TMCO1: variants seen among roughly 807,000 people sequenced by gnomAD.
The protein encoded by TMCO1 is calcium load-activated calcium channel.
A neutral mutation model predicts 29.3 loss-of-function variants in TMCO1; 29 were observed. The ratio of observed to expected loss-of-function variants is 0.99; its 90% confidence interval spans 0.74 to 1.35. The LOEUF (loss-of-function observed/expected upper bound fraction) is 1.35, where lower values mean the gene tolerates loss of function less well. Among genes scored for constraint, TMCO1 ranks in the 40% most tolerant of loss-of-function variants. The probability of loss-of-function intolerance (pLI) is 0.00; values close to 1 mark genes in which losing one functional copy is unlikely to be tolerated. For missense variants in TMCO1, 173 were observed against 225.5 expected (o/e 0.77, Z 1.49); for synonymous variants, 80 against 77.1 (o/e 1.04, Z -0.20).
At chr1:165,765,977 T>C (rs904005894) in intron 2 of TMCO1, among the ~76,000 whole-genome samples, 2 of 152,190 alleles carry the variant, frequency 1.3e-5, no homozygotes, top group South Asian at 2.1e-4. Flanking sequence ...CAAAAGATCA[T>C]GGTGCTTAGA....
chr1:165,724,977 ATTCTCTCT>A (rs779146678), downstream of TMCO1: 180 of 425,220 alleles, frequency 4.2e-4, no homozygotes, highest in Middle Eastern at 2.2e-3. Context: ...GGTGTTCTTT[ATTCTCTCT>A]TTCTCTCTCT....
chr1:165,753,051 C>T (rs1406466413), intron 4 of TMCO1, among the ~76,000 whole-genome samples: 1 of 152,116 alleles, frequency 6.6e-6, no homozygotes, highest in Non-Finnish European at 1.5e-5. Context: ...ATATAATTAG[C>T]CTATCTATGC....
chr1:165,744,790 CAAAA>C (rs558392976), intron 5 of TMCO1, among the ~76,000 whole-genome samples: 4 of 104,010 alleles, frequency 3.8e-5, no homozygotes, highest in African/African-American at 3.9e-5. Flanking sequence ...AACTCCATCT[CAAAA>C]AAAAAAAAAA....
At chr1:165,748,709 T>C (rs1364079898) in intron 5 of TMCO1, among the ~76,000 whole-genome samples, 1 of 152,236 alleles carries the variant, frequency 6.6e-6, no homozygotes. Flanking sequence ...TCAAAGTCCA[T>C]GGTTGACATT....
chr1:165,743,560 T>C (rs1651681809), intron 5 of TMCO1, among the ~76,000 whole-genome samples: 1 of 152,170 alleles, frequency 6.6e-6, no homozygotes, highest in Non-Finnish European at 1.5e-5. Flanking sequence ...CCCCTTTATA[T>C]ACTGACAAAT....
upstream of TMCO1, chr1:165,768,921 G>C (rs1296877359): frequency 1.9e-6 from 3 of 1,540,958 alleles, no homozygotes; most frequent in South Asian, 1.2e-5. Context: ...GGAAAGGCTC[G>C]TATCGGAGAA....
At chr1:165,758,556 CA>C (rs377195614) in intron 3 of TMCO1, among the ~76,000 whole-genome samples, 2,042 of 147,420 alleles carry the variant, frequency 0.014, 52 homozygotes, top group African/African-American at 0.048. Flanking sequence ...AACTCTGTCT[CA>C]AAAAAAAACA....
chr1:165,730,195 G>A (rs1455743335), intron 6 of TMCO1, among the ~76,000 whole-genome samples: 2 of 150,322 alleles, frequency 1.3e-5, no homozygotes, highest in Non-Finnish European at 3.0e-5. Context: ...AATTAGCCGG[G>A]AGAGGTGGCG....
At chr1:165,736,706 G>A (rs1651401378) in intron 6 of TMCO1, among the ~76,000 whole-genome samples, 2 of 130,472 alleles carry the variant, frequency 1.5e-5, no homozygotes, top group Admixed American at 1.7e-4. Context: ...GGCAATAAGA[G>A]CAAGACTCCA....
intron 4 of TMCO1, among the ~76,000 whole-genome samples, chr1:165,753,472 C>CA (rs35980344): frequency 0.6 from 28,585 of 47,642 alleles, 9,121 homozygotes; most frequent in East Asian, 0.76. Flanking sequence ...GACTCTGTCT[C>CA]AAAAAAAAAA....
At chr1:165,759,706 G>A in intron 2 of TMCO1, 122 bp from the exon 3 acceptor site, 1 of 782,728 alleles carries the variant, frequency 1.3e-6, no homozygotes, top group Non-Finnish European at 2.2e-6. Flanking sequence ...GACTGATTAT[G>A]GTCATGATTA....
intron 6 of TMCO1, among the ~76,000 whole-genome samples, chr1:165,733,124 A>G (rs756679338): frequency 2.0e-5 from 3 of 152,224 alleles, no homozygotes; most frequent in Non-Finnish European, 4.4e-5. Context: ...CATGTAGATA[A>G]GAAAAATAAG....
At chr1:165,757,018 C>T (rs1197936446) in intron 3 of TMCO1, among the ~76,000 whole-genome samples, 1 of 152,054 alleles carries the variant, frequency 6.6e-6, no homozygotes, top group Non-Finnish European at 1.5e-5. Context: ...GATTTTCTTG[C>T]ATGAGAATGA....
Position 165,768,684 on chromosome 1 carries a change from T to C in TMCO1, c.68A>G (p.Glu23Gly). The C allele has an allele frequency of 6.2e-7, 1 of 1,613,960 alleles. No homozygotes were observed. The highest frequency in any genetic ancestry group is 8.5e-7 in the Non-Finnish European group (1 of 1,179,986). Residue 23 changes from glutamate to glycine, a missense_variant and splice_region_variant, in exon 1 of 7, where the codon GAG becomes GGG. By Grantham distance (98) the Glu-to-Gly change is moderately conservative. Transcript: ENST00000367881. ...FISVCTALLA[E>G]GITWVLVYRT... The stretch of plus-strand genomic sequence containing the variant: ...GTCTGAGAAATACCCGCTCTCACCC[T>C]CTGCGAGCAGAGCCGTGCACACAGA...
intron 2 of TMCO1, among the ~76,000 whole-genome samples, chr1:165,761,216 C>T (rs977520966): frequency 1.3e-5 from 2 of 151,792 alleles, no homozygotes; most frequent in Admixed American, 1.3e-4. Flanking sequence ...GACTAAGTAA[C>T]AGATACTGTT....
chr1:165,733,376 G>A (rs536242432), intron 6 of TMCO1, among the ~76,000 whole-genome samples: 15 of 152,212 alleles, frequency 9.9e-5, no homozygotes, highest in Non-Finnish European at 2.1e-4. Flanking sequence ...GCTCACACCT[G>A]TAATCCCAGC....
intron 3 of TMCO1, among the ~76,000 whole-genome samples, chr1:165,757,063 C>G (rs1652220579): frequency 6.6e-6 from 1 of 152,000 alleles, no homozygotes; most frequent in Admixed American, 6.6e-5. Flanking sequence ...GCAGCCGATT[C>G]AAAGGAAAAC....
chr1:165,730,385 A>G (rs952879601), intron 6 of TMCO1, among the ~76,000 whole-genome samples: 2 of 152,178 alleles, frequency 1.3e-5, no homozygotes, highest in African/African-American at 4.8e-5. Flanking sequence ...GTATTGAGGT[A>G]ACACTGTTAG....
Position 165,727,100 on chromosome 1 carries a change from T to C in TMCO1, c.*923A>G, listed in dbSNP as rs1419538427. On this transcript the variant is annotated 3_prime_UTR_variant, in exon 7 of 7. Coordinates refer to ENST00000367881, the MANE Select transcript of TMCO1 (RefSeq NM_019026.6). The stretch of plus-strand genomic sequence containing the variant: ...GGGGAGGATCATGGTACAAACATCC[T>C]TCTCCCTTATGAAGGGGCATGGCAG... 3 of 454,094 alleles carry C rather than the reference T, an allele frequency of 6.6e-6. No homozygotes were observed. In the Admixed American group the frequency reaches 7.0e-5, roughly 11 times the overall value. The allele number at this position is 454,094 out of a possible 1,614,324, so 28.1% of individuals were successfully genotyped here. A position where few individuals can be genotyped will look rare whatever the true frequency, so the allele number is the denominator to read the frequency against.
Sources: gnomAD v4.1 joint callset for allele counts (sites outside exome capture counted in the v4.1 genomes callset) on GRCh38, gnomAD v4.1.1 for gene constraint, MANE v1.5 for transcripts, NCBI Gene and HGNC (gene_info 2026-07-23, HGNC 2026-07-21) for gene names.